Variants in IQGAP2 observed in about 807,000 individuals in gnomAD.
IQGAP2 encodes ras GTPase-activating-like protein IQGAP2.
A neutral mutation model predicts 201.3 loss-of-function variants in IQGAP2; 173 were observed. The observed-to-expected ratio is 0.86, with a 90% CI of 0.76 to 0.98. The LOEUF (loss-of-function observed/expected upper bound fraction) is 0.98, where lower values mean the gene tolerates loss of function less well. Ranked by LOEUF, IQGAP2 falls within the 50% of genes least tolerant of loss-of-function variation. The probability of loss-of-function intolerance (pLI) is 0.00; values close to 1 mark genes in which losing one functional copy is unlikely to be tolerated. For missense variants in IQGAP2, 1,687 were observed against 1,864.8 expected (o/e 0.90, Z 1.76); for synonymous variants, 675 against 673.9 (o/e 1.00, Z -0.03).
chr5:76,542,565 A>G (rs1450229369), intron 2 of IQGAP2, among the ~76,000 whole-genome samples: 4 of 152,240 alleles, frequency 2.6e-5, no homozygotes, highest in South Asian at 2.1e-4. Context: ...AGATATGACT[A>G]ATACTTCTGT....
chr5:76,604,781 A>T (rs970510865), intron 11 of IQGAP2, among the ~76,000 whole-genome samples: 3 of 152,196 alleles, frequency 2.0e-5, no homozygotes, highest in African/African-American at 7.2e-5. Context: ...TGTATTTCAC[A>T]TCTGCACTTG....
chr5:76,691,137 G>C lies in IQGAP2; in HGVS notation c.3906-2218G>C, dbSNP rs186338513. ...AAGCACTAGACACACTGTAGTGGGA[G>C]GGAGGTGGGTTCCCTGTCATGGGAC... On this transcript the variant is annotated intron_variant, in intron 30 of 35. Transcript: ENST00000274364. 3.0e-3 allele frequency among the ~76,000 whole-genome samples: 458 copies of C among 152,324 alleles called. 6 individuals carry two copies. Among genetic ancestry groups the C allele is most frequent in the Middle Eastern group, 0.024 (7 of 294 alleles).
At chr5:76,672,023 T>C (rs1318630643) in intron 24 of IQGAP2, 40 bp downstream of exon 24, 2 of 1,460,804 alleles carry the variant, frequency 1.4e-6, no homozygotes, top group South Asian at 2.4e-5. Flanking sequence ...TGTTATGTTT[T>C]ATGATATTTT....
chr5:76,443,751 T>C (rs2150107290), intron 1 of IQGAP2, among the ~76,000 whole-genome samples: 1 of 152,272 alleles, frequency 6.6e-6, no homozygotes, highest in East Asian at 1.9e-4. Flanking sequence ...CTGAAACATA[T>C]CCAGGGTTTT....
chr5:76,537,716 A>G (rs971894325), intron 2 of IQGAP2, among the ~76,000 whole-genome samples: 3 of 152,140 alleles, frequency 2.0e-5, no homozygotes, highest in African/African-American at 4.8e-5. Context: ...TAAAATCACT[A>G]TGGGTGTTTG....
intron 32 of IQGAP2, 131 bp downstream of exon 32, chr5:76,695,797 A>G: frequency 3.3e-6 from 2 of 604,532 alleles, no homozygotes. Flanking sequence ...GCCCTCTTCA[A>G]TGCTACAGAT....
chr5:76,420,156 A>T (rs1487205675), intron 1 of IQGAP2, among the ~76,000 whole-genome samples: 1 of 152,132 alleles, frequency 6.6e-6, no homozygotes, highest in Non-Finnish European at 1.5e-5. Flanking sequence ...ACTGGTGATG[A>T]ATAGATATTT....
At chr5:76,525,279 T>C (rs1053387787) in intron 2 of IQGAP2, among the ~76,000 whole-genome samples, 1 of 152,252 alleles carries the variant, frequency 6.6e-6, no homozygotes, top group Non-Finnish European at 1.5e-5. Context: ...CAGCCGGCAA[T>C]GCTAGGGTTT....
chr5:76,486,917 A>G (rs1421501473), intron 2 of IQGAP2, among the ~76,000 whole-genome samples: 1 of 152,056 alleles, frequency 6.6e-6, no homozygotes, highest in East Asian at 1.9e-4. Context: ...TAATCATTTA[A>G]CCTGAGGACT....
intron 2 of IQGAP2, among the ~76,000 whole-genome samples, chr5:76,549,396 T>C (rs1743299458): frequency 6.6e-6 from 1 of 151,674 alleles, no homozygotes; most frequent in Admixed American, 6.6e-5. Flanking sequence ...AGGTCCTTGC[T>C]ATTGTAGAAT....
At position 76,609,339 on chromosome 5, in the gene IQGAP2, G is replaced by A. The variant is rs1279161584; in HGVS notation, c.1358-1681G>A. On this transcript the variant is annotated intron_variant, in intron 12 of 35. Coordinates refer to ENST00000274364, the MANE Select transcript of IQGAP2 (RefSeq NM_006633.5). The stretch of plus-strand genomic sequence containing the variant: ...GTAAAACGACAGTACCTTGTATATA[G>A]ATAATACTTAGACTTTCCAGAGTTC... 7 of 1,018,242 alleles carry A rather than the reference G, an allele frequency of 6.9e-6. No individual in the cohort carries two copies. The Admixed American group carries it at 1.3e-4, about 19-fold the overall frequency. 63.1% of individuals were successfully genotyped at this position (1,018,242 alleles called of 1,614,324 possible). A position where few individuals can be genotyped will look rare whatever the true frequency, so the allele number is the denominator to read the frequency against.
Position 76,619,775 on chromosome 5 carries a change from C to A in IQGAP2, c.1522-7635C>A, listed in dbSNP as rs549907065. Among the ~76,000 whole-genome samples, 4 of 152,226 alleles carry A rather than the reference C, an allele frequency of 2.6e-5. No homozygotes were observed. The East Asian group carries it at 7.7e-4, about 29-fold the overall frequency. ...CCTCGTGATCTGCCCGCCTCGGCCA[C>A]CCAAAGTGCTGGGATTACAGGCGTG... On this transcript the variant is annotated intron_variant, in intron 13 of 35. Transcript: ENST00000274364.
intron 1 of IQGAP2, among the ~76,000 whole-genome samples, chr5:76,460,078 T>C (rs1754346323): frequency 6.6e-6 from 1 of 152,092 alleles, no homozygotes; most frequent in Non-Finnish European, 1.5e-5. Context: ...GCAGGAGACA[T>C]GAAGATGATC....
intron 9 of IQGAP2, among the ~76,000 whole-genome samples, chr5:76,596,395 T>C (rs1218335606): frequency 6.6e-6 from 1 of 152,234 alleles, no homozygotes; most frequent in Non-Finnish European, 1.5e-5. Flanking sequence ...CTCAGCAATT[T>C]CATTTTTGTT....
Position 76,572,213 on chromosome 5 carries a change from AT to A in IQGAP2, c.381+1574del, listed in dbSNP as rs907882473. 6.5e-3 allele frequency among the ~76,000 whole-genome samples: 858 copies of A among 132,760 alleles called. 3 individuals carry two copies. The highest frequency in any genetic ancestry group is 0.017 in the African/African-American group (598 of 36,002). The allele number at this position is 132,760 out of a possible 152,430, so 87.1% of individuals were successfully genotyped here. ...TATGTGTTGCTTAGTATGTACAGCT[AT>A]TTTTTTTTTTTTTTTTTGAGACAGA... On this transcript the variant is annotated intron_variant, in intron 4 of 35. Coordinates refer to ENST00000274364, the MANE Select transcript of IQGAP2 (RefSeq NM_006633.5).
At chr5:76,481,002 G>A (rs529217993) in intron 2 of IQGAP2, among the ~76,000 whole-genome samples, 4 of 150,032 alleles carry the variant, frequency 2.7e-5, no homozygotes, top group Non-Finnish European at 4.4e-5. Flanking sequence ...AGTGATGGAA[G>A]GAAGGTCAAT....
chr5:76,431,817 CAAAAAAAA>C (rs11292591), intron 1 of IQGAP2, among the ~76,000 whole-genome samples: 17 of 114,122 alleles, frequency 1.5e-4, no homozygotes, highest in Middle Eastern at 9.8e-3. Context: ...GACTCTGTAT[CAAAAAAAA>C]AAAAAAAAAA....
At chr5:76,444,928 T>C (rs1406834745) in intron 1 of IQGAP2, among the ~76,000 whole-genome samples, 3 of 152,130 alleles carry the variant, frequency 2.0e-5, no homozygotes, top group Non-Finnish European at 4.4e-5. Flanking sequence ...TCTGGGGTAG[T>C]TTAGCAGTAG....
chr5:76,647,436 A>G (rs1347189336), intron 17 of IQGAP2, among the ~76,000 whole-genome samples: 1 of 152,048 alleles, frequency 6.6e-6, no homozygotes, highest in African/African-American at 2.4e-5. Context: ...TAATTCTTGC[A>G]TGTTGTGGGA....
Sources: gnomAD v4.1 joint callset for allele counts (sites outside exome capture counted in the v4.1 genomes callset) on GRCh38, gnomAD v4.1.1 for gene constraint, MANE v1.5 for transcripts, NCBI Gene and HGNC (gene_info 2026-07-23, HGNC 2026-07-21) for gene names.